VPS13D: variants seen among roughly 807,000 people sequenced by gnomAD.
VPS13D encodes the protein intermembrane lipid transfer protein VPS13D.
A neutral mutation model predicts 461.9 loss-of-function variants in VPS13D; 187 were observed. The observed-to-expected ratio is 0.40, with a 90% confidence interval of 0.36 to 0.46. VPS13D has a LOEUF of 0.46. VPS13D is among the 20% of genes least tolerant of loss of function. The probability of loss-of-function intolerance (pLI) is 0.60; values close to 1 mark genes in which losing one functional copy is unlikely to be tolerated. For missense variants in VPS13D, 4,711 were observed against 5,364.9 expected, an observed-to-expected ratio of 0.88 and a Z score of 3.81; for synonymous variants, 1,951 against 1,986.3, an observed-to-expected ratio of 0.98 and a Z score of 0.47.
rs1644244891 is a variant in VPS13D, at chr1:12,379,572, T to C, written c.11166T>C (p.Cys3722=). ...TWSFREGKLT[C]GLHGLVVQAK... ...GTTTCCGAGAAGGAAAACTGACCTG[T>C]GGGTTACATGGGTTGGTCGTCCAGG... is the stretch of plus-strand genomic sequence containing the variant. Residue 3722 remains cysteine, a synonymous_variant, in exon 57 of 70, where the codon TGT becomes TGC. Transcript: ENST00000620676. 2.5e-6 allele frequency: 4 copies of C among 1,613,298 alleles called. No homozygotes were observed. The highest frequency in any genetic ancestry group is 3.4e-6 in the Non-Finnish European group (4 of 1,179,684).
chr1:12,492,156 C>T (rs900755735), intron 67 of VPS13D, among the ~76,000 whole-genome samples: 6 of 152,208 alleles, frequency 3.9e-5, no homozygotes, highest in African/African-American at 7.2e-5. Flanking sequence ...CCAGGGAGGC[C>T]GCAGGCCTAA....
In VPS13D at chr1:12,276,394, C is replaced by G; in HGVS notation, c.2806C>G (p.Gln936Glu). Residue 936 changes from glutamine (Q) to glutamate (E), a missense_variant, in exon 19 of 70, where the codon CAG becomes GAG. Physicochemically the swap from Gln to Glu is conservative, Grantham distance 29. This residue lies in a region of VPS13D where 4,411 missense variants were observed against 4,937.8 expected (regional missense o/e 0.89). Transcript: ENST00000620676. This position sits in a 1 kb window ranked among gnomAD's most constrained non-coding sequence, Gnocchi z 4.5. ...SLQDSVMNLT[Q>E]SIVLLEQHTR... ...GCAAGACTCCGTAATGAATTTAACC[C>G]AGAGCATTGTGTTGTTGGAGCAGCA... 1 of 1,614,154 alleles carries G rather than the reference C, an allele frequency of 6.2e-7. No individual in the cohort carries two copies. The highest frequency in any genetic ancestry group is 8.5e-7 in the Non-Finnish European group (1 of 1,180,024).
At chr1:12,242,635 G>C in intron 3 of VPS13D, 45 bp downstream of exon 3, 1 of 1,535,404 alleles carries the variant, frequency 6.5e-7, no homozygotes. Flanking sequence ...GTCTTAAATT[G>C]TTTGAGAGGT....
chr1:12,507,048 G>A lies in VPS13D; in HGVS notation c.12990G>A (p.Thr4330=), dbSNP rs915297075. The part of the protein sequence containing the change: ...YVQVTKKAVS[T]SSGVSIPGPS... The stretch of plus-strand genomic sequence containing the variant: ...AGGTGACCAAGAAAGCCGTGAGCAC[G>A]AGCAGTGGAGTGTCCATCCCCGGCC... Residue 4330 remains threonine, a synonymous_variant, in exon 69 of 70, where the codon ACG becomes ACA. Coordinates refer to ENST00000620676, the MANE Select transcript of VPS13D (RefSeq NM_015378.4). This position sits in a 1 kb window ranked among gnomAD's most constrained non-coding sequence, Gnocchi z 5.3. 1 of 1,614,252 alleles carries A rather than the reference G, an allele frequency of 6.2e-7. No individual in the cohort carries two copies. The highest frequency in any genetic ancestry group is 2.2e-5 in the East Asian group (1 of 44,890).
At chr1:12,288,338 G>A in intron 22 of VPS13D, 25 bp downstream of exon 22, 2 of 1,598,194 alleles carry the variant, frequency 1.3e-6, no homozygotes, top group South Asian at 2.2e-5. Flanking sequence ...GTGGAGGGAA[G>A]CAAACTTGCA....
chr1:12,448,981 C>A (rs1380672647), intron 65 of VPS13D, among the ~76,000 whole-genome samples: 1 of 152,164 alleles, frequency 6.6e-6, no homozygotes, highest in Non-Finnish European at 1.5e-5. Flanking sequence ...GCATGTGTTT[C>A]AACCTTGGGT....
At chr1:12,371,480 T>C (rs1284822927) in intron 54 of VPS13D, among the ~76,000 whole-genome samples, 1 of 149,646 alleles carries the variant, frequency 6.7e-6, no homozygotes, top group Admixed American at 6.8e-5. Context: ...AACCTCCACC[T>C]CCCGGGTTCA....
chr1:12,298,468 C>T (rs946735809), intron 24 of VPS13D, among the ~76,000 whole-genome samples: 1 of 152,144 alleles, frequency 6.6e-6, no homozygotes, highest in African/African-American at 2.4e-5. Context: ...GGTGAAACCC[C>T]ATCTCTCCTA....
intron 53 of VPS13D, among the ~76,000 whole-genome samples, chr1:12,368,815 T>C (rs936926614): frequency 9.2e-5 from 14 of 152,234 alleles, no homozygotes; most frequent in Non-Finnish European, 1.2e-4. Flanking sequence ...AGAAGTAATC[T>C]TTTAGCTCCC....
At chr1:12,372,682 C>G (rs1322723784) in intron 54 of VPS13D, among the ~76,000 whole-genome samples, 10 of 151,882 alleles carry the variant, frequency 6.6e-5, no homozygotes, top group Admixed American at 6.6e-4. Flanking sequence ...TGTGTCCTTT[C>G]AAGCACAGAA....
chr1:12,468,890 C>T (rs1305138551), intron 67 of VPS13D, among the ~76,000 whole-genome samples: 1 of 151,788 alleles, frequency 6.6e-6, no homozygotes, highest in Non-Finnish European at 1.5e-5. Context: ...AAAAATTACC[C>T]GGGTATGGTG....
At chr1:12,448,917 C>T (rs1645227182) in intron 65 of VPS13D, among the ~76,000 whole-genome samples, 1 of 152,180 alleles carries the variant, frequency 6.6e-6, no homozygotes, top group Non-Finnish European at 1.5e-5. Flanking sequence ...GTTCAGCAGG[C>T]GTGTGTCTTG....
At chr1:12,343,347 T>A (rs936109498) in intron 42 of VPS13D, among the ~76,000 whole-genome samples, 3 of 151,594 alleles carry the variant, frequency 2.0e-5, no homozygotes, top group Admixed American at 1.3e-4. Flanking sequence ...GCTAATTTTT[T>A]ATTTTTAGTA....
At chr1:12,354,366 T>TA (rs1179919289) in intron 47 of VPS13D, 145 bp downstream of exon 47, 388 of 1,035,762 alleles carry the variant, frequency 3.7e-4, no homozygotes, top group Non-Finnish European at 4.4e-4. Flanking sequence ...TCAGTGCAGT[T>TA]AAAAAAAAAT....
In VPS13D at chr1:12,288,247, A is replaced by C. The variant is rs1176045487; in HGVS notation, c.5659A>C (p.Asn1887His). 8.1e-6 allele frequency: 13 copies of C among 1,613,948 alleles called. No homozygotes were observed. The highest frequency in any genetic ancestry group is 1.0e-5 in the Non-Finnish European group (12 of 1,179,930). ...LKVHSLSLVL[N>H]KTTSELAKAN... ...GGTTCATTCACTTTCTCTAGTGCTG[A>C]ATAAGACCACCAGTGAGCTTGCCAA... The change falls in exon 22 of 70, where the codon AAT (asparagine) becomes CAT (histidine). Residue 1887 changes from asparagine (N) to histidine (H), a missense_variant. By Grantham distance (68) the Asn-to-His change is moderately conservative. This residue lies in a region of VPS13D where 4,411 missense variants were observed against 4,937.8 expected (regional missense o/e 0.89). Coordinates refer to ENST00000620676, the MANE Select transcript of VPS13D (RefSeq NM_015378.4).
intron 10 of VPS13D, among the ~76,000 whole-genome samples, chr1:12,260,267 C>T (rs1437306424): frequency 3.9e-5 from 6 of 152,016 alleles, no homozygotes; most frequent in African/African-American, 7.2e-5. Flanking sequence ...CCTCGTGATC[C>T]GCCCATCTCG....
In VPS13D at chr1:12,381,157, A is replaced by G. The variant is rs1194595343; in HGVS notation, c.11190+1561A>G. Among the ~76,000 whole-genome samples the G allele has an allele frequency of 2.0e-5, 3 of 152,358 alleles. No individual in the cohort carries two copies. In the East Asian group the frequency reaches 5.8e-4, roughly 29 times the overall value. On this transcript the variant is annotated intron_variant, in intron 57 of 69. Transcript: ENST00000620676. ...AGAATGTGTTTTGGTTAGGGAAGTA[A>G]GCTTGTTTCAATCTTATTATGCTGA...
At chr1:12,396,818 C>T (rs566884263) in intron 60 of VPS13D, among the ~76,000 whole-genome samples, 2 of 152,318 alleles carry the variant, frequency 1.3e-5, no homozygotes, top group South Asian at 2.1e-4. Flanking sequence ...TAATATCTTG[C>T]AGCTATTTTT....
rs531050808 is a variant in VPS13D, at chr1:12,361,407, T to A, written c.10142-1313T>A. Among the ~76,000 whole-genome samples the A allele has an allele frequency of 9.5e-3, 1,381 of 145,402 alleles. 22 individuals are homozygous for A. Among genetic ancestry groups the A allele is most frequent in the African/African-American group, 0.027 (1,042 of 39,018 alleles). On this transcript the variant is annotated intron_variant, in intron 50 of 69. Coordinates refer to ENST00000620676, the MANE Select transcript of VPS13D (RefSeq NM_015378.4). ...TATTTATTTATTTATTTATTTATTT[T>A]TTTTTTGAGACGGAGTCTCGCTCTG...
Sources: gnomAD v4.1 joint callset for allele counts (sites outside exome capture counted in the v4.1 genomes callset) on GRCh38, gnomAD v4.1.1 for gene constraint, gnomAD v4.1.1 regional missense constraint, Gnocchi (gnomAD v3.1) non-coding constraint, MANE v1.5 for transcripts, NCBI Gene and HGNC (gene_info 2026-07-23, HGNC 2026-07-21) for gene names.